TMEM266: variants seen among roughly 807,000 people sequenced by gnomAD.
TMEM266 encodes the protein Hv1 related protein 1.
TMEM266 carries 33 observed loss-of-function variants against 50.5 expected under a neutral mutation model. The ratio of observed to expected loss-of-function variants is 0.65; its 90% CI spans 0.50 to 0.87. The LOEUF is 0.87. TMEM266 is among the 40% of genes least tolerant of loss of function. TMEM266 has a pLI of 0.00. For missense variants in TMEM266, 655 were observed against 695.1 expected (o/e 0.94, Z 0.65); for synonymous variants, 310 against 292.3 (o/e 1.06, Z -0.62).
In TMEM266 at chr15:76,204,293, T is replaced by C. The variant is rs776876074; in HGVS notation, c.1574T>C (p.Leu525Pro). 8 of 1,610,646 alleles carry C rather than the reference T, an allele frequency of 5.0e-6. No homozygotes were observed. Among genetic ancestry groups the C allele is most frequent in the East Asian group, 2.2e-5 (1 of 44,766 alleles). ...TCTTTGGAATCCAAAGAGCAAAAGC[T>C]GCACAGGGTCCCTGAGGCCTAGAGC... The change falls in exon 11 of 11, where the codon CTG becomes CCG. Residue 525 changes from leucine to proline, a missense_variant. Around this residue, in one of 3 missense-constraint regions of TMEM266, gnomAD observed 455 missense variants for 401.8 expected, o/e 1.13. Coordinates refer to ENST00000388942, the MANE Select transcript of TMEM266 (RefSeq NM_152335.3).
intron 8 of TMEM266, among the ~76,000 whole-genome samples, chr15:76,182,511 G>A (rs2142073078): frequency 6.6e-6 from 1 of 152,050 alleles, no homozygotes; most frequent in African/African-American, 2.4e-5. Flanking sequence ...CGGTGTGGTG[G>A]CGGGTGCCTG....
chr15:76,124,328 G>T (rs893153242), intron 1 of TMEM266, among the ~76,000 whole-genome samples: 1 of 152,200 alleles, frequency 6.6e-6, no homozygotes, highest in Admixed American at 6.5e-5. Flanking sequence ...GGCATGGAAG[G>T]ATGAGAAGAG....
At chr15:76,106,493 G>A (rs1225328495) in intron 1 of TMEM266, among the ~76,000 whole-genome samples, 1 of 152,196 alleles carries the variant, frequency 6.6e-6, no homozygotes, top group Non-Finnish European at 1.5e-5. Flanking sequence ...GAGCTGGAGT[G>A]CAGTGGCGCA....
At chr15:76,093,207 A>G (rs564531396) in intron 1 of TMEM266, among the ~76,000 whole-genome samples, 1 of 151,650 alleles carries the variant, frequency 6.6e-6, no homozygotes, top group Admixed American at 6.6e-5. Context: ...TTACATAGGT[A>G]TACACGTGCC....
chr15:76,076,775 A>T (rs754362095), intron 1 of TMEM266, among the ~76,000 whole-genome samples: 2 of 152,086 alleles, frequency 1.3e-5, no homozygotes, highest in Non-Finnish European at 2.9e-5. Context: ...GGCAAAAGAT[A>T]ATTATGCAAG....
chr15:76,090,692 T>A (rs8040025), intron 1 of TMEM266, among the ~76,000 whole-genome samples: 34,265 of 151,694 alleles, frequency 0.23, 4,270 homozygotes, highest in Non-Finnish European at 0.27. Context: ...TCCACGGGAT[T>A]TGGGAGCTAA....
chr15:76,076,918 G>A (rs935856973), intron 1 of TMEM266, among the ~76,000 whole-genome samples: 2 of 151,984 alleles, frequency 1.3e-5, no homozygotes, highest in African/African-American at 4.8e-5. Context: ...GTCATGTATT[G>A]AGGATAAAAT....
chr15:76,100,385 G>A (rs1420478021), intron 1 of TMEM266, among the ~76,000 whole-genome samples: 1 of 152,146 alleles, frequency 6.6e-6, no homozygotes, highest in East Asian at 1.9e-4. Context: ...TCCTCCAAAA[G>A]CTTCTCTAAT....
chr15:76,204,325 T>C lies in TMEM266; in HGVS notation c.*10T>C, dbSNP rs1237286518. The C allele has an allele frequency of 1.3e-6, 2 of 1,584,112 alleles. No homozygotes were observed. The highest frequency in any genetic ancestry group is 1.7e-6 in the Non-Finnish European group (2 of 1,160,356). On this transcript the variant is annotated 3_prime_UTR_variant, in exon 11 of 11. Transcript: ENST00000388942. ...GGTCCCTGAGGCCTAGAGCCTGCCATGGGCTGGGTGAGATGAGGGGAGACA... is the reference window on the plus strand; with the variant it reads ...GGTCCCTGAGGCCTAGAGCCTGCCACGGGCTGGGTGAGATGAGGGGAGACA...
chr15:76,188,768 G>T (rs2038525264), intron 8 of TMEM266, among the ~76,000 whole-genome samples: 1 of 152,168 alleles, frequency 6.6e-6, no homozygotes, highest in Admixed American at 6.5e-5. Flanking sequence ...TGAGATTTGG[G>T]TGGGGACACA....
chr15:76,138,120 G>C (rs1439504315), intron 3 of TMEM266, among the ~76,000 whole-genome samples: 1 of 151,506 alleles, frequency 6.6e-6, no homozygotes, highest in Admixed American at 6.6e-5. Flanking sequence ...TATTCAGGAG[G>C]CTGAGGCAGG....
intron 1 of TMEM266, among the ~76,000 whole-genome samples, chr15:76,093,498 A>C (rs1303117279): frequency 6.6e-6 from 1 of 151,954 alleles, no homozygotes; most frequent in East Asian, 1.9e-4. Flanking sequence ...ATAGTATTCC[A>C]TGGTGTATAT....
At chr15:76,109,513 A>G (rs571081166) in intron 1 of TMEM266, among the ~76,000 whole-genome samples, 2 of 152,302 alleles carry the variant, frequency 1.3e-5, no homozygotes, top group Admixed American at 1.3e-4. Flanking sequence ...AAAAGTGGCA[A>G]TAGCCAGGTG....
intron 4 of TMEM266, 74 bp downstream of exon 4, chr15:76,156,832 G>T: frequency 6.7e-7 from 1 of 1,499,574 alleles, no homozygotes. Context: ...TTCATCAGGG[G>T]TCCCCAACCT....
At chr15:76,155,642 G>A (rs553127673) in intron 3 of TMEM266, among the ~76,000 whole-genome samples, 2 of 152,200 alleles carry the variant, frequency 1.3e-5, no homozygotes, top group South Asian at 4.2e-4. Flanking sequence ...GCATATTGAA[G>A]GCCCTAAAAT....
chr15:76,072,202 G>A (rs1250274886), intron 1 of TMEM266, among the ~76,000 whole-genome samples: 4 of 152,020 alleles, frequency 2.6e-5, no homozygotes, highest in Non-Finnish European at 4.4e-5. Context: ...ACTTTGGGAG[G>A]CCGAGGTAGG....
At chr15:76,145,214 C>T (rs146028921) in intron 3 of TMEM266, among the ~76,000 whole-genome samples, 2 of 152,330 alleles carry the variant, frequency 1.3e-5, no homozygotes, top group Non-Finnish European at 2.9e-5. Flanking sequence ...TTCTGAGAGC[C>T]ATGTGACCCC....
intron 4 of TMEM266, among the ~76,000 whole-genome samples, chr15:76,158,799 G>A (rs779538910): frequency 9.9e-5 from 15 of 152,176 alleles, no homozygotes; most frequent in African/African-American, 1.4e-4. Context: ...GGCCTGACTC[G>A]GAGCTCATCT....
intron 1 of TMEM266, among the ~76,000 whole-genome samples, chr15:76,087,698 G>A (rs2036795022): frequency 6.6e-6 from 1 of 152,152 alleles, no homozygotes; most frequent in Non-Finnish European, 1.5e-5. Context: ...GACATTTAAA[G>A]GGCAGTAGGG....
Sources: gnomAD v4.1 joint callset for allele counts (sites outside exome capture counted in the v4.1 genomes callset) on GRCh38, gnomAD v4.1.1 for gene constraint, gnomAD v4.1.1 regional missense constraint, MANE v1.5 for transcripts, NCBI Gene and HGNC (gene_info 2026-07-23, HGNC 2026-07-21) for gene names.